The following KCNQ1 variants were observed in gnomAD, a reference collection of about 807,000 sequenced individuals.
KCNQ1 encodes the protein potassium voltage-gated channel subfamily KQT member 1.
Under a neutral mutation model 72.4 loss-of-function variants are expected in KCNQ1, and 49 were observed. The observed-to-expected ratio is 0.68, with a 90% CI of 0.54 to 0.86. KCNQ1 has a LOEUF of 0.86. Ranked by LOEUF, KCNQ1 falls within the 40% of genes least tolerant of loss-of-function variation. KCNQ1 has a pLI of 0.00. For missense variants in KCNQ1, 790 were observed against 945.1 expected (o/e 0.84, Z 2.15); for synonymous variants, 450 against 412.6 (o/e 1.09, Z -1.10).
At chr11:2,786,581 C>CT (rs35260410) in intron 15 of KCNQ1, among the ~76,000 whole-genome samples, 71,003 of 146,578 alleles carry the variant, frequency 0.48, 17,283 homozygotes, top group Middle Eastern at 0.6. Flanking sequence ...ATCTCTTAAC[C>CT]TTTTTTTTTT....
intron 15 of KCNQ1, among the ~76,000 whole-genome samples, chr11:2,807,429 G>A (rs924916750): frequency 1.3e-5 from 2 of 152,204 alleles, no homozygotes; most frequent in Non-Finnish European, 2.9e-5. Context: ...GCCCGCGGTC[G>A]CTGCACTGGG....
In KCNQ1 at chr11:2,691,787, C is replaced by T. The variant is rs1022934845; in HGVS notation, c.1514+29706C>T. 1 of 398,666 alleles carries T rather than the reference C, an allele frequency of 2.5e-6. No individual in the cohort carries two copies. The highest frequency in any genetic ancestry group is 4.4e-5 in the Admixed American group (1 of 22,740). 24.7% of individuals were successfully genotyped at this position (398,666 alleles called of 1,614,324 possible). A position where few individuals can be genotyped will look rare whatever the true frequency, so the allele number is the denominator to read the frequency against. On this transcript the variant is annotated intron_variant, in intron 11 of 15. Transcript: ENST00000155840. This position sits in a 1 kb window ranked among gnomAD's most constrained non-coding sequence, Gnocchi z 6.4. Reference sequence around the variant, plus strand: ...TTGCAGGCCAGTGGCCATCCACTGCCAGCAATCAGAGAATCACAAGCACTG... The same window carrying T: ...TTGCAGGCCAGTGGCCATCCACTGCTAGCAATCAGAGAATCACAAGCACTG...
At chr11:2,847,689 C>G (rs1161363524) in intron 15 of KCNQ1, 78 bp from the exon 16 acceptor site, 1 of 1,392,686 alleles carries the variant, frequency 7.2e-7, no homozygotes, top group South Asian at 1.2e-5. Context: ...TCTCTGGCCC[C>G]AAACCTGGGC....
chr11:2,652,592 C>T lies in KCNQ1; in HGVS notation c.1394-9369C>T, dbSNP rs1849773600. 5.0e-6 allele frequency: 2 copies of T among 398,470 alleles called. No homozygotes were observed. Among genetic ancestry groups the T allele is most frequent in the Non-Finnish European group, 8.8e-6 (2 of 226,072 alleles). 24.7% of individuals were successfully genotyped at this position (398,470 alleles called of 1,614,324 possible). ...AAGTTTCCTAGGGCTGCTCTTGCTG[C>T]CTGGAACCTTCCCCTGAAAATGTGT... On this transcript the variant is annotated intron_variant, in intron 10 of 15. Coordinates refer to ENST00000155840, the MANE Select transcript of KCNQ1 (RefSeq NM_000218.3). The surrounding 1 kb of genome is among the most constrained non-coding windows in gnomAD (Gnocchi z 5.9).
rs1286093451 is a variant in KCNQ1 at position 2,659,733 on chromosome 11, C to T, written c.1394-2228C>T. 1 of 398,368 alleles carries T rather than the reference C, an allele frequency of 2.5e-6. No individual in the cohort carries two copies. Among genetic ancestry groups the T allele is most frequent in the Non-Finnish European group, 4.4e-6 (1 of 226,012 alleles). 24.7% of individuals were successfully genotyped at this position (398,368 alleles called of 1,614,324 possible). A position where few individuals can be genotyped will look rare whatever the true frequency, so the allele number is the denominator to read the frequency against. ...CCACCAGTAACATATGAGAGTTCTA[C>T]ATGTTCCACATCCTCAAGAGTGGTT... On this transcript the variant is annotated intron_variant, in intron 10 of 15. Coordinates refer to ENST00000155840, the MANE Select transcript of KCNQ1 (RefSeq NM_000218.3). This position sits in a 1 kb window ranked among gnomAD's most constrained non-coding sequence, Gnocchi z 4.3.
Position 2,767,645 on chromosome 11 carries a change from G to A in KCNQ1, c.1515-1199G>A, listed in dbSNP as rs1846522583. 6.6e-6 allele frequency among the ~76,000 whole-genome samples: 1 copy of A among 152,166 alleles called. No homozygotes were observed. Among genetic ancestry groups the A allele is most frequent in the South Asian group, 2.1e-4 (1 of 4,820 alleles). On this transcript the variant is annotated intron_variant, in intron 11 of 15. Transcript: ENST00000155840. This position sits in a 1 kb window ranked among gnomAD's most constrained non-coding sequence, Gnocchi z 4.6. ...TTGAGAGAGGTGGGGTTAATGTGAT[G>A]GAAAGTTGGCATTGCTTAGTTTCTG...
intron 15 of KCNQ1, among the ~76,000 whole-genome samples, chr11:2,844,123 G>A (rs1244273095): frequency 2.0e-5 from 3 of 152,204 alleles, no homozygotes; most frequent in Non-Finnish European, 2.9e-5. Context: ...AAAACCAAAC[G>A]TGCCAGCGAG....
intron 11 of KCNQ1, chr11:2,665,054 G>A: frequency 2.5e-6 from 1 of 398,582 alleles, no homozygotes; most frequent in Non-Finnish European, 4.4e-6. Context: ...ATGCAAGCTA[G>A]GGAGTCATGA....
At position 2,654,191 on chromosome 11, in the gene KCNQ1, T is replaced by A; in HGVS notation, c.1394-7770T>A. 2.5e-6 allele frequency: 1 copy of A among 398,696 alleles called. No homozygotes were observed. Among genetic ancestry groups the A allele is most frequent in the Non-Finnish European group, 4.4e-6 (1 of 226,212 alleles). 24.7% of individuals were successfully genotyped at this position (398,696 alleles called of 1,614,324 possible). ...CTGGCACAGGCTGTGGGGCTGCGGC[T>A]CAGCAATGTCACGCAGGGCCTGGCT... is the stretch of plus-strand genomic sequence containing the variant. On this transcript the variant is annotated intron_variant, in intron 10 of 15. Coordinates refer to ENST00000155840, the MANE Select transcript of KCNQ1 (RefSeq NM_000218.3). The surrounding 1 kb of genome is among the most constrained non-coding windows in gnomAD (Gnocchi z 6.4).
Position 2,595,057 on chromosome 11 carries a change from A to G in KCNQ1, c.1393+6203A>G, listed in dbSNP as rs911229412. On this transcript the variant is annotated intron_variant, in intron 10 of 15. Transcript: ENST00000155840. This position sits in a 1 kb window ranked among gnomAD's most constrained non-coding sequence, Gnocchi z 5.0. The stretch of plus-strand genomic sequence containing the variant: ...GGGTGACCCAGTGAACCAATCCAGG[A>G]CCTTCATGATCCATGTTTTAGATAT... Among the ~76,000 whole-genome samples the G allele has an allele frequency of 2.0e-5, 3 of 152,198 alleles. No individual in the cohort carries two copies. Among genetic ancestry groups the G allele is most frequent in the Non-Finnish European group, 4.4e-5 (3 of 68,032 alleles).
chr11:2,679,163 C>CA lies in KCNQ1; in HGVS notation c.1514+17083dup. On this transcript the variant is annotated intron_variant, in intron 11 of 15. Coordinates refer to ENST00000155840, the MANE Select transcript of KCNQ1 (RefSeq NM_000218.3). The surrounding 1 kb of genome is among the most constrained non-coding windows in gnomAD (Gnocchi z 4.8). ...TGGCATGAGTTGGGCAGCAGCGACTCAGTTTCCATGTCTGAGTTAGGCCAC... is the reference window on the plus strand; with the variant it reads ...TGGCATGAGTTGGGCAGCAGCGACTCAAGTTTCCATGTCTGAGTTAGGCCAC... 2 of 398,648 alleles carry CA rather than the reference C, an allele frequency of 5.0e-6. No individual in the cohort carries two copies. Among genetic ancestry groups the CA allele is most frequent in the East Asian group, 3.6e-5 (1 of 28,070 alleles). 24.7% of individuals were successfully genotyped at this position (398,648 alleles called of 1,614,324 possible).
intron 11 of KCNQ1, chr11:2,699,229 G>C: frequency 2.5e-6 from 1 of 398,772 alleles, no homozygotes. Context: ...CTCGACCCTG[G>C]CCACGCTGTC....
intron 1 of KCNQ1, among the ~76,000 whole-genome samples, chr11:2,474,840 G>A (rs779836225): frequency 6.6e-6 from 1 of 152,092 alleles, no homozygotes; most frequent in Non-Finnish European, 1.5e-5. Flanking sequence ...CACGGTGGGG[G>A]ACTTGCCTAT....
At position 2,764,552 on chromosome 11, in the gene KCNQ1, G is replaced by A. The variant is rs375316438; in HGVS notation, c.1515-4292G>A. ...CAGATTTTGATATCAAGGTTATGCT[G>A]CCTTATGAAAATACTTGTATAAAAT... On this transcript the variant is annotated intron_variant, in intron 11 of 15. Transcript: ENST00000155840. The surrounding 1 kb of genome is among the most constrained non-coding windows in gnomAD (Gnocchi z 4.8). 6.6e-6 allele frequency among the ~76,000 whole-genome samples: 1 copy of A among 151,914 alleles called. No homozygotes were observed. The highest frequency in any genetic ancestry group is 2.4e-5 in the African/African-American group (1 of 41,340).
Position 2,547,523 on chromosome 11 carries a change from C to T in KCNQ1, c.477+19505C>T, listed in dbSNP as rs370046692. On this transcript the variant is annotated intron_variant, in intron 2 of 15. Coordinates refer to ENST00000155840, the MANE Select transcript of KCNQ1 (RefSeq NM_000218.3). The surrounding 1 kb of genome is among the most constrained non-coding windows in gnomAD (Gnocchi z 4.2). ...TGCTGGGATCACAGGCATGAGCCAC[C>T]GTGCCCAGCCTGTATTTTTGTCCTA... Among the ~76,000 whole-genome samples the T allele has an allele frequency of 1.1e-4, 17 of 152,300 alleles. No homozygotes were observed. Among genetic ancestry groups the T allele is most frequent in the East Asian group, 7.7e-4 (4 of 5,184 alleles).
chr11:2,834,475 C>A (rs546717834), intron 15 of KCNQ1, among the ~76,000 whole-genome samples: 1 of 152,194 alleles, frequency 6.6e-6, no homozygotes, highest in Non-Finnish European at 1.5e-5. Flanking sequence ...CCACTGCCAG[C>A]CTCTGCTCCT....
Position 2,570,633 on chromosome 11 carries a change from C to T in KCNQ1, c.483C>T (p.Ile161=), listed in dbSNP as rs146981549. 12 of 1,612,462 alleles carry T rather than the reference C, an allele frequency of 7.4e-6. No homozygotes were observed. Among genetic ancestry groups the T allele is most frequent in the East Asian group, 4.5e-5 (2 of 44,890 alleles). ...GTCCCACTCTGTCCCTGCAGGAGAT[C>T]GTGCTGGTGGTGTTCTTCGGGACGG... ...LATGTLFWME[I]VLVVFFGTEY... Residue 161 remains isoleucine (I), a synonymous_variant, in exon 3 of 16, where the codon ATC becomes ATT. Coordinates refer to ENST00000155840, the MANE Select transcript of KCNQ1 (RefSeq NM_000218.3).
rs1267721349 is a variant in KCNQ1, at chr11:2,745,976, A to C, written c.1515-22868A>C. On this transcript the variant is annotated intron_variant, in intron 11 of 15. Transcript: ENST00000155840. This position sits in a 1 kb window ranked among gnomAD's most constrained non-coding sequence, Gnocchi z 6.2. ...GCGATCTCGGCTCACTGCAAACTCC[A>C]CCTCCCGGGTTCAAGCGATTGTCTC... 6.6e-6 allele frequency among the ~76,000 whole-genome samples: 1 copy of C among 151,736 alleles called. No homozygotes were observed. Among genetic ancestry groups the C allele is most frequent in the African/African-American group, 2.4e-5 (1 of 41,252 alleles).
At chr11:2,583,180 TG>T (rs1161745242) in intron 6 of KCNQ1, among the ~76,000 whole-genome samples, 5 of 152,166 alleles carry the variant, frequency 3.3e-5, no homozygotes, top group African/African-American at 1.2e-4. Context: ...CCAGCAGGCC[TG>T]GCCCTTCGTG....
Sources: gnomAD v4.1 joint callset for allele counts (sites outside exome capture counted in the v4.1 genomes callset) on GRCh38, gnomAD v4.1.1 for gene constraint, Gnocchi (gnomAD v3.1) non-coding constraint, MANE v1.5 for transcripts, NCBI Gene and HGNC (gene_info 2026-07-23, HGNC 2026-07-21) for gene names.